SCN10A: variants seen among roughly 807,000 people sequenced by gnomAD.
The protein encoded by SCN10A is sodium voltage-gated channel alpha subunit 10.
A neutral mutation model predicts 170.7 loss-of-function variants in SCN10A; 162 were observed. That is an observed-to-expected ratio of 0.95 (90% CI 0.84 to 1.08). The LOEUF (loss-of-function observed/expected upper bound fraction) is 1.08. SCN10A is among the 50% of genes least tolerant of loss of function. SCN10A has a pLI of 0.00. For synonymous variants in SCN10A, 985 were observed against 904.6 expected (o/e 1.09, Z -1.59); for missense variants, 2,527 against 2,436.9 (o/e 1.04, Z -0.78).
chr3:38,807,725 G>A (rs893482527), intron 1 of SCN10A, among the ~76,000 whole-genome samples: 1 of 152,036 alleles, frequency 6.6e-6, no homozygotes, highest in African/African-American at 2.4e-5. Flanking sequence ...CTATCCACCT[G>A]TTCTTTCTGG....
chr3:38,737,953 T>A lies in SCN10A; in HGVS notation c.2280+1562A>T, dbSNP rs192134065. Reference sequence around the variant, plus strand: ...TCCTCTCTCTCTGTGTCTCCTTTCTTTTTTGAGACAGGTTCTTACTCTGTC... The same window carrying A: ...TCCTCTCTCTCTGTGTCTCCTTTCTATTTTGAGACAGGTTCTTACTCTGTC... On this transcript the variant is annotated intron_variant, in intron 15 of 27. Transcript: ENST00000449082. Among the ~76,000 whole-genome samples the A allele has an allele frequency of 3.4e-4, 52 of 151,812 alleles. 1 individual carries two copies. The highest frequency in any genetic ancestry group is 1.2e-3 in the African/African-American group (51 of 41,306).
At chr3:38,798,182 T>A (rs1006437242) in intron 1 of SCN10A, among the ~76,000 whole-genome samples, 1 of 152,172 alleles carries the variant, frequency 6.6e-6, no homozygotes, top group Non-Finnish European at 1.5e-5. Context: ...AAAGCAGTAT[T>A]TTTATGAGCC....
At chr3:38,734,759 T>C (rs999847412) in intron 15 of SCN10A, among the ~76,000 whole-genome samples, 8 of 152,196 alleles carry the variant, frequency 5.3e-5, no homozygotes, top group South Asian at 2.1e-4. Flanking sequence ...GGATTCTTTT[T>C]GGGATCAGAA....
At position 38,698,158 on chromosome 3, in the gene SCN10A, T is replaced by A. The variant is rs1575916652; in HGVS notation, c.5062A>T (p.Thr1688Ser). 2.0e-5 allele frequency: 33 copies of A among 1,614,110 alleles called. No individual in the cohort carries two copies. Among genetic ancestry groups the A allele is most frequent in the Non-Finnish European group, 2.7e-5 (32 of 1,180,002 alleles). ...CDPNLPNSNGTRGDCGSPAVG... is the reference protein window; with the variant it reads ...CDPNLPNSNGSRGDCGSPAVG... ...GCTGGGCTCCCACAGTCCCCTCTGG[T>A]GCCATTGCTGTTGGGCAGATTGGGG... The change falls in exon 28 of 28, where the codon ACC becomes TCC. Residue 1688 changes from threonine (T) to serine (S), a missense_variant. Coordinates refer to ENST00000449082, the MANE Select transcript of SCN10A (RefSeq NM_006514.4).
rs760165295 is a variant in SCN10A, at chr3:38,752,463, A to G, written c.1511T>C (p.Val504Ala). 3 of 1,611,916 alleles carry G rather than the reference A, an allele frequency of 1.9e-6. No individual in the cohort carries two copies. Among genetic ancestry groups the G allele is most frequent in the Admixed American group, 3.3e-5 (2 of 59,736 alleles). ...SGKRRASHGSVFHFRSPGRDI... is the reference protein window; with the variant it reads ...SGKRRASHGSAFHFRSPGRDI... ...TCGGCCAGGGGACCGGAAATGGAAC[A>G]CACTGCCATGACTAGCCCGGCGTTT... is the stretch of plus-strand genomic sequence containing the variant. The change falls in exon 12 of 28, where the codon GTG becomes GCG. Residue 504 changes from valine to alanine, a missense_variant. Transcript: ENST00000449082.
At chr3:38,728,258 A>C (rs758948313) in intron 16 of SCN10A, among the ~76,000 whole-genome samples, 5 of 152,190 alleles carry the variant, frequency 3.3e-5, no homozygotes, top group African/African-American at 7.2e-5. Context: ...GATCTTGAGG[A>C]GATTAAGTCT....
chr3:38,727,623 G>A (rs961545624), intron 16 of SCN10A, among the ~76,000 whole-genome samples: 5 of 152,210 alleles, frequency 3.3e-5, no homozygotes, highest in African/African-American at 1.2e-4. Flanking sequence ...AGGCACCAGG[G>A]TGGAAAAGAC....
chr3:38,790,659 C>T (rs951900986), intron 3 of SCN10A, among the ~76,000 whole-genome samples: 2 of 151,828 alleles, frequency 1.3e-5, no homozygotes, highest in African/African-American at 4.8e-5. Context: ...GATTACTTTC[C>T]ACCCTACTTC....
At chr3:38,813,047 A>C (rs781452332) in intron 1 of SCN10A, among the ~76,000 whole-genome samples, 1 of 152,126 alleles carries the variant, frequency 6.6e-6, no homozygotes, top group Non-Finnish European at 1.5e-5. Context: ...AAATAAATAA[A>C]TAAATAAGTC....
intron 23 of SCN10A, among the ~76,000 whole-genome samples, chr3:38,711,731 A>G (rs1457971222): frequency 6.6e-6 from 1 of 152,240 alleles, no homozygotes; most frequent in Admixed American, 6.5e-5. Flanking sequence ...GATGAAAGAA[A>G]GAAAGACAGG....
intron 4 of SCN10A, among the ~76,000 whole-genome samples, chr3:38,783,897 A>G (rs1188788951): frequency 1.3e-5 from 2 of 152,088 alleles, no homozygotes; most frequent in Non-Finnish European, 2.9e-5. Context: ...TTTCCCTTCT[A>G]TGATGAACAT....
At position 38,712,382 on chromosome 3, in the gene SCN10A, T is replaced by C. The variant is rs2125989964; in HGVS notation, c.3868A>G (p.Ile1290Val). The C allele has an allele frequency of 1.2e-6, 2 of 1,614,158 alleles. No individual in the cohort carries two copies. The highest frequency in any genetic ancestry group is 3.3e-5 in the Admixed American group (2 of 60,020). ...ATGATGCTGAAGATGAGCCAGAAGATGAGGCAGACGAGGAGGACATTCATG... is the reference window on the plus strand; with the variant it reads ...ATGATGCTGAAGATGAGCCAGAAGACGAGGCAGACGAGGAGGACATTCATG... ...SIMNVLLVCL[I>V]FWLIFSIMGV... is the part of the protein sequence containing the mutation. Residue 1290 changes from isoleucine to valine, a missense_variant, in exon 23 of 28, where the codon ATC (isoleucine) becomes GTC (valine). Physicochemically the swap from Ile to Val is conservative, Grantham distance 29 (BLOSUM62 3). Transcript: ENST00000449082.
chr3:38,795,868 T>C (rs571353333), intron 1 of SCN10A, among the ~76,000 whole-genome samples: 85 of 152,314 alleles, frequency 5.6e-4, no homozygotes, highest in African/African-American at 2.0e-3. Flanking sequence ...CTGTGAAGTA[T>C]TATCTCTAAT....
chr3:38,706,629 A>G (rs2063213706), intron 26 of SCN10A, among the ~76,000 whole-genome samples: 1 of 152,236 alleles, frequency 6.6e-6, no homozygotes, highest in Non-Finnish European at 1.5e-5. Context: ...AAGACTGAGA[A>G]GAACTTAGGT....
chr3:38,784,009 A>G (rs920313565), intron 4 of SCN10A, among the ~76,000 whole-genome samples: 1 of 152,128 alleles, frequency 6.6e-6, no homozygotes, highest in Non-Finnish European at 1.5e-5. Context: ...CCACTTTTGT[A>G]AAGTGCCTAT....
At position 38,771,383 on chromosome 3, in the gene SCN10A, G is replaced by T; in HGVS notation, c.495C>A (p.Thr165=). ...CCAGTATCTTTATCAAGGCTTCAAAGGTGTAAATGACAGTGAAGACATATC... is the reference window on the plus strand; with the variant it reads ...CCAGTATCTTTATCAAGGCTTCAAATGTGTAAATGACAGTGAAGACATATC... ...KIEYVFTVIY[T]FEALIKILAR... The change falls in exon 5 of 28, where the codon ACC becomes ACA. Residue 165 remains threonine (T), a synonymous_variant. Coordinates refer to ENST00000449082, the MANE Select transcript of SCN10A (RefSeq NM_006514.4). 1 of 1,614,038 alleles carries T rather than the reference G, an allele frequency of 6.2e-7. No homozygotes were observed. The highest frequency in any genetic ancestry group is 8.5e-7 in the Non-Finnish European group (1 of 1,179,938).
At chr3:38,800,523 G>C (rs1489389628) in intron 1 of SCN10A, among the ~76,000 whole-genome samples, 3 of 152,148 alleles carry the variant, frequency 2.0e-5, no homozygotes, top group Admixed American at 2.0e-4. Context: ...ACAGTCTTAG[G>C]GCCTGGATGA....
chr3:38,815,738 C>T (rs554165774), intron 1 of SCN10A, among the ~76,000 whole-genome samples: 1 of 152,334 alleles, frequency 6.6e-6, no homozygotes, highest in Admixed American at 6.5e-5. Context: ...ATCAACACAA[C>T]TCTTTGAAGA....
intron 3 of SCN10A, among the ~76,000 whole-genome samples, chr3:38,791,759 C>T (rs769807467): frequency 5.3e-5 from 8 of 152,186 alleles, no homozygotes; most frequent in Non-Finnish European, 7.3e-5. Flanking sequence ...AGCAAACCTC[C>T]CCTCATAAAG....
Sources: gnomAD v4.1 joint callset for allele counts (sites outside exome capture counted in the v4.1 genomes callset) on GRCh38, gnomAD v4.1.1 for gene constraint, MANE v1.5 for transcripts, NCBI Gene and HGNC (gene_info 2026-07-23, HGNC 2026-07-21) for gene names.